The following PARD3 variants were observed in gnomAD, a reference collection of about 807,000 sequenced individuals.
The protein encoded by PARD3 is partitioning defective 3 homolog.
PARD3 carries 75 observed loss-of-function variants against 155.4 expected under a neutral mutation model. That is an observed-to-expected ratio of 0.48 (90% CI 0.40 to 0.58). The LOEUF is 0.58. Among genes scored for constraint, PARD3 ranks in the 20% least tolerant of loss-of-function variants. The pLI is 0.00. For missense variants in PARD3, 1,642 were observed against 1,721.7 expected, an observed-to-expected ratio of 0.95 and a Z score of 0.82; for synonymous variants, 576 against 610.5, an observed-to-expected ratio of 0.94 and a Z score of 0.83.
chr10:34,670,937 T>C (rs1267087168), intron 2 of PARD3, among the ~76,000 whole-genome samples: 2 of 152,212 alleles, frequency 1.3e-5, no homozygotes, highest in Non-Finnish European at 2.9e-5. Flanking sequence ...ATTTTACAAC[T>C]GATTACTTCA....
At chr10:34,723,386 C>T (rs2094640654) in intron 1 of PARD3, among the ~76,000 whole-genome samples, 1 of 152,118 alleles carries the variant, frequency 6.6e-6, no homozygotes, top group Admixed American at 6.6e-5. Flanking sequence ...AAAAAGGCCA[C>T]CAATGATGGC....
At chr10:34,415,593 G>A (rs760228408) in intron 5 of PARD3, among the ~76,000 whole-genome samples, 5 of 152,060 alleles carry the variant, frequency 3.3e-5, no homozygotes, top group Admixed American at 6.6e-5. Context: ...AGCAAAGAAC[G>A]ATTCTTATCT....
chr10:34,698,557 G>C (rs562977350), intron 1 of PARD3, among the ~76,000 whole-genome samples: 1 of 152,086 alleles, frequency 6.6e-6, no homozygotes, highest in African/African-American at 2.4e-5. Flanking sequence ...GTTTTCTTTT[G>C]TTTAGAGACA....
At chr10:34,195,038 T>C (rs909918216) in intron 22 of PARD3, among the ~76,000 whole-genome samples, 5 of 152,232 alleles carry the variant, frequency 3.3e-5, no homozygotes, top group African/African-American at 9.6e-5. Context: ...AATTTCTCTA[T>C]GTAAAATTAA....
Position 34,556,372 on chromosome 10 carries a change from CCTTTT to C in PARD3, c.223-39218_223-39214del, listed in dbSNP as rs202044877. Reference sequence around the variant, plus strand: ...CAACTGCGCTACCACCCTTCCAATTCCTTTTCTTCTTTCTTTTTTTTTTTTTTTGA... The same window carrying C: ...CAACTGCGCTACCACCCTTCCAATTCCTTCTTTCTTTTTTTTTTTTTTTGA... On this transcript the variant is annotated intron_variant, in intron 2 of 24. Transcript: ENST00000374788. Among the ~76,000 whole-genome samples, 1,356 of 144,408 alleles carry C rather than the reference CCTTTT, an allele frequency of 9.4e-3. 13 individuals are homozygous for C. The highest frequency in any genetic ancestry group is 0.035 in the African/African-American group (1,292 of 36,556). The allele number at this position is 144,408 out of a possible 152,430, so 94.7% of individuals were successfully genotyped here.
intron 2 of PARD3, among the ~76,000 whole-genome samples, chr10:34,581,234 C>CTTTTCTT (rs1395063490): frequency 2.9e-4 from 29 of 101,246 alleles, no homozygotes; most frequent in South Asian, 6.9e-4. Flanking sequence ...TTTTTCTTTT[C>CTTTTCTT]TTTTTTTTTT....
intron 20 of PARD3, among the ~76,000 whole-genome samples, chr10:34,309,896 C>CAAAA (rs552115285): frequency 2.5e-4 from 24 of 95,572 alleles, no homozygotes; most frequent in African/African-American, 1.1e-3. Context: ...ATCAACCATC[C>CAAAA]AAAAAAAAAA....
intron 15 of PARD3, among the ~76,000 whole-genome samples, chr10:34,342,451 C>T (rs145794913): frequency 6.6e-6 from 1 of 152,170 alleles, no homozygotes; most frequent in East Asian, 1.9e-4. Context: ...TCTTTTCTGC[C>T]AGAAGAAATG....
rs188710444 is a variant in PARD3, at chr10:34,333,208, T to A, written c.2606-1864A>T. On this transcript the variant is annotated intron_variant, in intron 18 of 24. Coordinates refer to ENST00000374788, the MANE Select transcript of PARD3 (RefSeq NM_001184785.2). Reference sequence around the variant, plus strand: ...AAGATTTCATGCTTCCAGAAAAAATTCTCATAAAAACACCATTTATATAAA... The same window carrying A: ...AAGATTTCATGCTTCCAGAAAAAATACTCATAAAAACACCATTTATATAAA... 8.5e-5 allele frequency among the ~76,000 whole-genome samples: 13 copies of A among 152,210 alleles called. 1 individual carries two copies. In the East Asian group the frequency reaches 2.1e-3, roughly 25 times the overall value.
At chr10:34,337,925 G>T (rs1836370231) in intron 16 of PARD3, among the ~76,000 whole-genome samples, 1 of 152,248 alleles carries the variant, frequency 6.6e-6, no homozygotes, top group African/African-American at 2.4e-5. Flanking sequence ...ATTATGGCAT[G>T]CCATTTCATA....
intron 2 of PARD3, among the ~76,000 whole-genome samples, chr10:34,633,224 A>G (rs1022484476): frequency 1.3e-5 from 2 of 152,212 alleles, no homozygotes; most frequent in African/African-American, 4.8e-5. Context: ...GAACTCAATT[A>G]TTAGCTACAT....
intron 5 of PARD3, among the ~76,000 whole-genome samples, chr10:34,431,107 G>A (rs554911062): frequency 1.8e-4 from 28 of 152,194 alleles, no homozygotes; most frequent in Non-Finnish European, 3.2e-4. Flanking sequence ...GGAAACTACA[G>A]ATTAAGTAGC....
intron 22 of PARD3, among the ~76,000 whole-genome samples, chr10:34,211,776 T>C (rs1476097642): frequency 6.6e-6 from 1 of 151,548 alleles, no homozygotes; most frequent in Non-Finnish European, 1.5e-5. Flanking sequence ...CAAGACTCCA[T>C]CTCAAAAAAA....
At chr10:34,119,766 C>T (rs767713567) in intron 23 of PARD3, 26 bp from the exon 24 acceptor site, 3 of 1,603,530 alleles carry the variant, frequency 1.9e-6, no homozygotes, top group East Asian at 2.2e-5. Flanking sequence ...ACAAGCACAT[C>T]GTTAACCAGA....
At chr10:34,443,056 A>G (rs1036357610) in intron 5 of PARD3, among the ~76,000 whole-genome samples, 7 of 151,912 alleles carry the variant, frequency 4.6e-5, no homozygotes, top group South Asian at 4.2e-4. Flanking sequence ...AGATCAGTGG[A>G]AAAAAAACAA....
chr10:34,762,430 C>A (rs1381089006), intron 1 of PARD3, among the ~76,000 whole-genome samples: 2 of 150,884 alleles, frequency 1.3e-5, no homozygotes, highest in African/African-American at 4.9e-5. Flanking sequence ...CCCATCCCAG[C>A]CTTCAGCTGG....
In PARD3 at chr10:34,341,861, A is replaced by C. The variant is rs760656670; in HGVS notation, c.2219-45T>G. On this transcript the variant is annotated intron_variant, in intron 15 of 24. Transcript: ENST00000374788. Reference sequence around the variant, plus strand: ...GAAGAGAAAATTCTAGACATCGATCAAAGTGTTACATCTATTAATTTTAAT... The same window carrying C: ...GAAGAGAAAATTCTAGACATCGATCCAAGTGTTACATCTATTAATTTTAAT... 1.2e-5 allele frequency: 14 copies of C among 1,179,962 alleles called. 1 individual carries two copies. The highest frequency in any genetic ancestry group is 9.7e-5 in the East Asian group (4 of 41,426). The allele number at this position is 1,179,962 out of a possible 1,614,324, so 73.1% of individuals were successfully genotyped here.
intron 1 of PARD3, among the ~76,000 whole-genome samples, chr10:34,722,854 T>G (rs1186597838): frequency 6.6e-6 from 1 of 152,188 alleles, no homozygotes; most frequent in East Asian, 1.9e-4. Flanking sequence ...GATGAAATAT[T>G]TACCAGTGTA....
intron 3 of PARD3, among the ~76,000 whole-genome samples, chr10:34,491,319 CTATA>C (rs2079888881): frequency 6.6e-6 from 1 of 152,326 alleles, no homozygotes; most frequent in Admixed American, 6.5e-5. Context: ...TAACCATTAA[CTATA>C]TACTCTCAGT....
Sources: gnomAD v4.1 joint callset for allele counts (sites outside exome capture counted in the v4.1 genomes callset) on GRCh38, gnomAD v4.1.1 for gene constraint, MANE v1.5 for transcripts, NCBI Gene and HGNC (gene_info 2026-07-23, HGNC 2026-07-21) for gene names.